The following AIRE variants were observed in gnomAD, a reference collection of about 807,000 sequenced individuals.
AIRE encodes the protein autoimmune regulator, also known as autoimmune polyendocrinopathy candidiasis ectodermal dystrophy protein.
Under a neutral mutation model 62.1 loss-of-function variants are expected in AIRE, and 52 were observed. That is an observed-to-expected ratio of 0.84 (90% CI 0.67 to 1.06). AIRE has a LOEUF of 1.06. Ranked by LOEUF, AIRE falls within the 50% of genes least tolerant of loss-of-function variation. The pLI, the probability that AIRE is intolerant of heterozygous loss-of-function variation, is 0.00. For missense variants in AIRE, 774 were observed against 755.8 expected (o/e 1.02, Z -0.28); for synonymous variants, 342 against 321.6 (o/e 1.06, Z -0.68).
In AIRE at chr21:44,292,509, G is replaced by A. The variant is rs2040553665; in HGVS notation, c.1095+108G>A. 4 of 767,684 alleles carry A rather than the reference G, an allele frequency of 5.2e-6. No individual in the cohort carries two copies. In the Admixed American group the frequency reaches 6.2e-5, roughly 12 times the overall value. The allele number at this position is 767,684 out of a possible 1,614,324, so 47.6% of individuals were successfully genotyped here. A position where few individuals can be genotyped will look rare whatever the true frequency, so the allele number is the denominator to read the frequency against. On this transcript the variant is annotated intron_variant, in intron 9 of 13. Coordinates refer to ENST00000291582, the MANE Select transcript of AIRE (RefSeq NM_000383.4). ...GTCCGTCTGTCCCCTGGAGTCCTGT[G>A]GGACAGGACTGCCCCAGCCATAGCA...
chr21:44,286,704 C>A lies in AIRE; in HGVS notation c.280C>A (p.Gln94Lys). Residue 94 changes from glutamine to lysine, a missense_variant, in exon 2 of 14, where the codon CAG becomes AAG. Gln to Lys is a moderately conservative substitution (Grantham distance 53). This residue lies in a region of AIRE where 385 missense variants were observed against 396.0 expected (regional missense o/e 0.97). Transcript: ENST00000291582. This position sits in a 1 kb window ranked among gnomAD's most constrained non-coding sequence, Gnocchi z 6.0. ...DYNLERYGRL[Q>K]PILDSFPKDV... Reference sequence around the variant, plus strand: ...CAACCTGGAGCGCTATGGCCGGCTGCAGCCCATCCTGGACAGCTTCCCCAA... The same window carrying A: ...CAACCTGGAGCGCTATGGCCGGCTGAAGCCCATCCTGGACAGCTTCCCCAA... 1 of 1,613,014 alleles carries A rather than the reference C, an allele frequency of 6.2e-7. No individual in the cohort carries two copies. The highest frequency in any genetic ancestry group is 8.5e-7 in the Non-Finnish European group (1 of 1,179,998).
At chr21:44,293,201 G>T in intron 10 of AIRE, 26 bp downstream of exon 10, 1 of 1,530,066 alleles carries the variant, frequency 6.5e-7, no homozygotes, top group East Asian at 2.4e-5. Flanking sequence ...GGGTCAGGGT[G>T]GGCTCTTCAA....
Position 44,287,008 on chromosome 21 carries a change from G to C in AIRE, c.338G>C (p.Arg113Thr), listed in dbSNP as rs781178030. 3.1e-6 allele frequency: 5 copies of C among 1,612,790 alleles called. No homozygotes were observed. The South Asian group carries it at 4.4e-5, about 14-fold the overall frequency. Reference protein sequence around the residue: ...DVDLSQPRKGRKPPAVPKALV... With the variant: ...DVDLSQPRKGTKPPAVPKALV... ...GACCTCAGCCAGCCCCGGAAGGGGA[G>C]GAAGCCCCCGGCCGTCCCCAAGGCT... Residue 113 changes from arginine to threonine, a missense_variant, in exon 3 of 14, where the codon AGG (arginine) becomes ACG (threonine). Arg to Thr is a moderately conservative substitution (Grantham distance 71). Coordinates refer to ENST00000291582, the MANE Select transcript of AIRE (RefSeq NM_000383.4). The surrounding 1 kb of genome is among the most constrained non-coding windows in gnomAD (Gnocchi z 4.3).
rs116103856 is a variant in AIRE, at chr21:44,296,467, T to C, written c.1566+22T>C. ...CGAGGTAACGCCTCCCCTGGCCTCC[T>C]GGTGCTCCTCCACTCCCCCTCCCCT... On this transcript the variant is annotated intron_variant, in intron 13 of 13. Transcript: ENST00000291582. 1,183 of 1,606,256 alleles carry C rather than the reference T, an allele frequency of 7.4e-4. 3 individuals are homozygous for C. In the African/African-American group the frequency reaches 0.014, roughly 19 times the overall value.
Position 44,286,746 on chromosome 21 carries a change from A to G in AIRE, c.307+15A>G. 1.2e-6 allele frequency: 2 copies of G among 1,612,326 alleles called. No homozygotes were observed. The highest frequency in any genetic ancestry group is 1.7e-6 in the Non-Finnish European group (2 of 1,179,638). ...CTTCCCCAAAGGTGGGTCCTGGTGG[A>G]CTCAGCCATGCTGGGGGCCTGGGGC... On this transcript the variant is annotated intron_variant, in intron 2 of 13. Coordinates refer to ENST00000291582, the MANE Select transcript of AIRE (RefSeq NM_000383.4). The surrounding 1 kb of genome is among the most constrained non-coding windows in gnomAD (Gnocchi z 6.0).
rs149130190 is a variant in AIRE, at chr21:44,289,721, C to T, written c.717C>T (p.Ser239=). ...ACACTCCCAGCAAGTTCGAAGACTC[C>T]GGCAGTGGGAAGAACAAGGCCCGCA... ...EFYTPSKFED[S]GSGKNKARSS... is the part of the protein sequence containing the mutation. The change falls in exon 6 of 14, where the codon TCC becomes TCT. Residue 239 remains serine (S), a synonymous_variant. Coordinates refer to ENST00000291582, the MANE Select transcript of AIRE (RefSeq NM_000383.4). 7.3e-4 allele frequency: 1,173 copies of T among 1,612,696 alleles called. 3 individuals are homozygous for T. Among genetic ancestry groups the T allele is most frequent in the Non-Finnish European group, 6.3e-4 (749 of 1,179,988 alleles).
intron 13 of AIRE, among the ~76,000 whole-genome samples, chr21:44,296,826 T>G (rs1173074309): frequency 7.1e-6 from 1 of 140,596 alleles, no homozygotes; most frequent in Non-Finnish European, 1.6e-5. Flanking sequence ...GGCGTGGGAG[T>G]GGGGGGGGGG....
intron 9 of AIRE, 28 bp downstream of exon 9, chr21:44,292,429 C>T (rs1413548929): frequency 1.3e-6 from 2 of 1,492,082 alleles, no homozygotes; most frequent in Non-Finnish European, 9.1e-7. Flanking sequence ...CCTAGCCGGG[C>T]CACCCCTCCT....
chr21:44,290,438 G>C, intron 7 of AIRE: 1 of 985,136 alleles, frequency 1.0e-6, no homozygotes, highest in Non-Finnish European at 1.2e-6. Flanking sequence ...TTCTTAATGG[G>C]GTAGAAGCAG....
At position 44,287,096 on chromosome 21, in the gene AIRE, G is replaced by A. The variant is rs748305262; in HGVS notation, c.426G>A (p.Ala142=). ...CCTCAGAAGAGGCTCGAGCTGCCGCGCCAGCAGCCCTGACTCCAAGGGGCA... is the reference window on the plus strand; with the variant it reads ...CCTCAGAAGAGGCTCGAGCTGCCGCACCAGCAGCCCTGACTCCAAGGGGCA... ...RKASEEARAA[A]PAALTPRGTA... Residue 142 remains alanine (A), a synonymous_variant, in exon 3 of 14, where the codon GCG becomes GCA. Transcript: ENST00000291582. The surrounding 1 kb of genome is among the most constrained non-coding windows in gnomAD (Gnocchi z 4.3). The A allele has an allele frequency of 3.8e-5, 62 of 1,612,376 alleles. No homozygotes were observed. The Admixed American group carries it at 5.7e-4, about 15-fold the overall frequency.
Position 44,287,616 on chromosome 21 carries a change from C to T in AIRE, c.538+25C>T, listed in dbSNP as rs893620425. The T allele has an allele frequency of 7.8e-6, 12 of 1,544,440 alleles. 1 individual carries two copies. In the Middle Eastern group the frequency reaches 5.3e-4, roughly 68 times the overall value. Reference sequence around the variant, plus strand: ...GGTGAGCGGGGCCCAGTGGGAGCGCCTCCCTTCTCCCTGGCCAGGGGCAAG... The same window carrying T: ...GGTGAGCGGGGCCCAGTGGGAGCGCTTCCCTTCTCCCTGGCCAGGGGCAAG... On this transcript the variant is annotated intron_variant, in intron 4 of 13. Coordinates refer to ENST00000291582, the MANE Select transcript of AIRE (RefSeq NM_000383.4). This position sits in a 1 kb window ranked among gnomAD's most constrained non-coding sequence, Gnocchi z 4.3.
chr21:44,294,480 C>G lies in AIRE; in HGVS notation c.1480C>G (p.Arg494Gly). The G allele has an allele frequency of 6.5e-7, 1 of 1,533,616 alleles. No individual in the cohort carries two copies. Among genetic ancestry groups the G allele is most frequent in the Non-Finnish European group, 8.7e-7 (1 of 1,145,624 alleles). Residue 494 changes from arginine to glycine, a missense_variant, in exon 12 of 14, where the codon CGC becomes GGC. This residue lies in a region of AIRE where 354 missense variants were observed against 296.1 expected (regional missense o/e 1.20). Coordinates refer to ENST00000291582, the MANE Select transcript of AIRE (RefSeq NM_000383.4). ...GGGGGTGCTGGCCCCCAGCCCCGCC[C>G]GCCTGGCCCCTGGGCCTGCCAAGGT... ...VEGVLAPSPARLAPGPAKDDT... is the reference protein window; with the variant it reads ...VEGVLAPSPAGLAPGPAKDDT...
Position 44,289,638 on chromosome 21 carries a change from A to C in AIRE, c.653-19A>C. 6.2e-7 allele frequency: 1 copy of C among 1,612,656 alleles called. No homozygotes were observed. Among genetic ancestry groups the C allele is most frequent in the African/African-American group, 1.3e-5 (1 of 75,038 alleles). ...CCTGCTGGGCGGGTGAGCCAGGACC[A>C]GCCGGCATCTCCTCCCAGGCGGCTC... On this transcript the variant is annotated intron_variant, in intron 5 of 13. Transcript: ENST00000291582.
At chr21:44,296,538 G>A (rs1352896139) in intron 13 of AIRE, 93 bp downstream of exon 13, 4 of 1,205,882 alleles carry the variant, frequency 3.3e-6, no homozygotes, top group Admixed American at 3.4e-5. Flanking sequence ...AGGACTGCCG[G>A]CCCCCACTGC....
chr21:44,296,293 A>G, intron 12 of AIRE, 90 bp from the exon 13 acceptor site: 1 of 1,173,624 alleles, frequency 8.5e-7, no homozygotes, highest in Non-Finnish European at 1.3e-6. Context: ...TGTGGGGGAA[A>G]CACCCCCGCG....
intron 12 of AIRE, among the ~76,000 whole-genome samples, chr21:44,295,013 G>A (rs969915413): frequency 3.3e-5 from 5 of 152,318 alleles, no homozygotes; most frequent in East Asian, 1.9e-4. Context: ...CCTGGGTGGC[G>A]CGGAGACCCC....
chr21:44,288,544 G>T, intron 5 of AIRE, 86 bp downstream of exon 5: 1 of 998,924 alleles, frequency 1.0e-6, no homozygotes. Flanking sequence ...GCATCCTGGT[G>T]GTCCCACAGC....
chr21:44,296,308 C>G (rs1310524701), intron 12 of AIRE, 75 bp from the exon 13 acceptor site: 1 of 1,370,262 alleles, frequency 7.3e-7, no homozygotes, highest in Non-Finnish European at 1.0e-6. Context: ...CCCGCGGCCC[C>G]TAGGCCCTGC....
Position 44,287,423 on chromosome 21 carries a change from G to C in AIRE, c.464-94G>C. On this transcript the variant is annotated intron_variant, in intron 3 of 13. Transcript: ENST00000291582. This position sits in a 1 kb window ranked among gnomAD's most constrained non-coding sequence, Gnocchi z 4.3. ...CAAAGGGACTACCCAGCACTGGACC[G>C]CCCCCTCCACGCCCTCCCACCGCGG... 1.1e-6 allele frequency: 1 copy of C among 884,320 alleles called. No individual in the cohort carries two copies. Among genetic ancestry groups the C allele is most frequent in the Non-Finnish European group, 1.8e-6 (1 of 546,958 alleles). 54.8% of individuals were successfully genotyped at this position (884,320 alleles called of 1,614,324 possible).
Sources: allele counts gnomAD v4.1 joint callset (sites outside exome capture counted in the v4.1 genomes callset), GRCh38; gene constraint gnomAD v4.1.1; regional missense constraint gnomAD v4.1.1; non-coding constraint Gnocchi (gnomAD v3.1); transcripts MANE v1.5; gene names NCBI Gene and HGNC (gene_info 2026-07-23, HGNC 2026-07-21).